AIG1: variants seen among roughly 807,000 people sequenced by gnomAD.
AIG1 encodes androgen induced 1.
A neutral mutation model predicts 31.4 loss-of-function variants in AIG1; 23 were observed. That is an observed-to-expected ratio of 0.73 (90% CI 0.53 to 1.04). The LOEUF (loss-of-function observed/expected upper bound fraction) is 1.04, where lower values mean the gene tolerates loss of function less well. Ranked by LOEUF, AIG1 falls within the 50% of genes least tolerant of loss-of-function variation. AIG1 has a pLI of 0.00. For missense variants in AIG1, 274 were observed against 295.0 expected (o/e 0.93, Z 0.52); for synonymous variants, 100 against 110.5 (o/e 0.90, Z 0.60).
chr6:143,343,100 C>CT (rs1206100454), downstream of AIG1: 3 of 771,966 alleles, frequency 3.9e-6, no homozygotes, highest in Non-Finnish European at 4.8e-6. Context: ...ATCCTCGCAG[C>CT]TGTCCGCACT....
chr6:143,309,523 A>G lies in AIG1; in HGVS notation c.516-23759A>G, dbSNP rs565297864. ...AGAAGTATTGTAAGAGAGAAGAAAAAGCAGAATCATATAAAATACTCAAAC... is the reference window on the plus strand; with the variant it reads ...AGAAGTATTGTAAGAGAGAAGAAAAGGCAGAATCATATAAAATACTCAAAC... On this transcript the variant is annotated intron_variant, in intron 4 of 5. Coordinates refer to ENST00000357847, the MANE Select transcript of AIG1 (RefSeq NM_016108.4). Among the ~76,000 whole-genome samples the G allele has an allele frequency of 4.3e-4, 66 of 152,070 alleles. 1 individual carries two copies. In the South Asian group the frequency reaches 0.012, roughly 28 times the overall value.
intron 1 of AIG1, among the ~76,000 whole-genome samples, chr6:143,130,633 C>T (rs1326375969): frequency 2.0e-5 from 3 of 152,140 alleles, no homozygotes; most frequent in Admixed American, 6.5e-5. Flanking sequence ...ACAGGAGAAT[C>T]GATTTAACCC....
rs11556575 is a variant in AIG1 at position 143,061,019 on chromosome 6, C to T, written c.94C>T (p.His32Tyr). Residue 32 changes from histidine to tyrosine, a missense_variant, in exon 1 of 6, where the codon CAC becomes TAC. By Grantham distance (83) the His-to-Tyr change is moderately conservative. Transcript: ENST00000357847. ...CTACAAGGCCATCGAAATGCCCTCA[C>T]ACCAGACCTACGGAGGGAGCTGGAA... is the stretch of plus-strand genomic sequence containing the variant. ...CNYKAIEMPS[H>Y]QTYGGSWKFL... 1.5e-4 allele frequency: 243 copies of T among 1,613,536 alleles called. No homozygotes were observed. The highest frequency in any genetic ancestry group is 1.9e-4 in the Non-Finnish European group (220 of 1,179,816).
chr6:143,190,004 A>T, intron 3 of AIG1: 1 of 463,406 alleles, frequency 2.2e-6, no homozygotes, highest in Non-Finnish European at 2.8e-6. Flanking sequence ...GTGTCCTCAC[A>T]TGGTGGAAGG....
intron 1 of AIG1, among the ~76,000 whole-genome samples, chr6:143,084,208 C>T (rs1562357855): frequency 6.6e-6 from 1 of 152,150 alleles, no homozygotes; most frequent in South Asian, 2.1e-4. Flanking sequence ...CCCCGGGCAC[C>T]CTCAGTCCTG....
intron 1 of AIG1, among the ~76,000 whole-genome samples, chr6:143,109,122 T>A (rs1201551393): frequency 6.7e-6 from 1 of 150,118 alleles, no homozygotes; most frequent in East Asian, 2.0e-4. Flanking sequence ...TGTTTTTTTT[T>A]CCCCTAGATT....
chr6:143,188,172 G>T, intron 3 of AIG1: 1 of 998,718 alleles, frequency 1.0e-6, no homozygotes, highest in Non-Finnish European at 1.2e-6. Context: ...GGGAGGAAGA[G>T]GTATCTCTCT....
At position 143,095,938 on chromosome 6, in the gene AIG1, C is replaced by T. The variant is rs1779734950; in HGVS notation, c.141+34872C>T. 2.4e-5 allele frequency among the ~76,000 whole-genome samples: 3 copies of T among 123,944 alleles called. No individual in the cohort carries two copies. The Admixed American group carries it at 3.1e-4, about 13-fold the overall frequency. The allele number at this position is 123,944 out of a possible 152,430, so 81.3% of individuals were successfully genotyped here. A position where few individuals can be genotyped will look rare whatever the true frequency, so the allele number is the denominator to read the frequency against. On this transcript the variant is annotated intron_variant, in intron 1 of 5. Coordinates refer to ENST00000357847, the MANE Select transcript of AIG1 (RefSeq NM_016108.4). ...TTTTTTTTTTTTTGAGATGGAGTCTCACTCTGTCACCAGGCTGGAGTGCAG... is the reference window on the plus strand; with the variant it reads ...TTTTTTTTTTTTTGAGATGGAGTCTTACTCTGTCACCAGGCTGGAGTGCAG...
At chr6:143,320,416 T>G (rs1226409371) in intron 4 of AIG1, among the ~76,000 whole-genome samples, 2 of 152,206 alleles carry the variant, frequency 1.3e-5, no homozygotes, top group Admixed American at 6.5e-5. Flanking sequence ...CCCATGTTTT[T>G]GCAGCATTAT....
intron 1 of AIG1, among the ~76,000 whole-genome samples, chr6:143,100,756 A>C (rs906201398): frequency 6.6e-6 from 1 of 150,488 alleles, no homozygotes; most frequent in Non-Finnish European, 1.5e-5. Flanking sequence ...TGCTATCTCC[A>C]CTCACTGCAA....
In AIG1 at chr6:143,280,402, C is replaced by T. The variant is rs928446336; in HGVS notation, c.400-3708C>T. 3.9e-5 allele frequency among the ~76,000 whole-genome samples: 6 copies of T among 152,146 alleles called. No individual in the cohort carries two copies. The highest frequency in any genetic ancestry group is 7.2e-5 in the African/African-American group (3 of 41,428). On this transcript the variant is annotated intron_variant, in intron 3 of 5. Transcript: ENST00000357847. The surrounding 1 kb of genome is among the most constrained non-coding windows in gnomAD (Gnocchi z 4.1). ...GCCCAGAAGAATAGAAATCATTCTACCATAAAGATATATGTGCACAAATGT... is the reference window on the plus strand; with the variant it reads ...GCCCAGAAGAATAGAAATCATTCTATCATAAAGATATATGTGCACAAATGT...
intron 3 of AIG1, among the ~76,000 whole-genome samples, chr6:143,184,414 A>AT (rs1789035240): frequency 6.6e-6 from 1 of 152,172 alleles, no homozygotes; most frequent in Admixed American, 6.5e-5. Flanking sequence ...TGGGCATCAC[A>AT]TTCTGCCTCT....
intron 2 of AIG1, among the ~76,000 whole-genome samples, chr6:143,149,067 A>G (rs1184386186): frequency 1.3e-5 from 2 of 152,170 alleles, no homozygotes; most frequent in East Asian, 3.9e-4. Context: ...CTAATGACAC[A>G]TTTCTCAGAA....
At chr6:143,114,658 G>A (rs528778071) in intron 1 of AIG1, among the ~76,000 whole-genome samples, 2 of 152,282 alleles carry the variant, frequency 1.3e-5, no homozygotes, top group South Asian at 2.1e-4. Flanking sequence ...CTATTCAATG[G>A]GTGTCAGCTT....
chr6:143,189,821 A>G (rs1284934351), intron 3 of AIG1: 2 of 976,398 alleles, frequency 2.0e-6, no homozygotes, highest in Non-Finnish European at 2.4e-6. Context: ...AAAAAGAGAT[A>G]TATCTTAGTC....
chr6:143,308,831 G>A (rs1775018621), intron 4 of AIG1, among the ~76,000 whole-genome samples: 1 of 152,078 alleles, frequency 6.6e-6, no homozygotes. Context: ...TTTAATCTGT[G>A]AAATTTCCAC....
chr6:143,226,985 C>CTTTTTTTTTTTTTTTTTTT (rs11431811), intron 3 of AIG1, among the ~76,000 whole-genome samples: 2 of 113,622 alleles, frequency 1.8e-5, no homozygotes, highest in East Asian at 2.6e-4. Context: ...GAGTTTTTGT[C>CTTTTTTTTTTTTTTTTTTT]TTTTTTTTTT....
chr6:143,310,382 C>A (rs1197208704), intron 4 of AIG1, among the ~76,000 whole-genome samples: 1 of 151,760 alleles, frequency 6.6e-6, no homozygotes, highest in Non-Finnish European at 1.5e-5. Flanking sequence ...AAATAGCACA[C>A]TAATAAATAA....
chr6:143,167,061 A>G (rs943340932), intron 3 of AIG1, among the ~76,000 whole-genome samples: 7 of 152,242 alleles, frequency 4.6e-5, no homozygotes, highest in African/African-American at 1.2e-4. Flanking sequence ...CAAACTGTTT[A>G]GCGTATTTCA....
Sources: allele counts gnomAD v4.1 joint callset (sites outside exome capture counted in the v4.1 genomes callset), GRCh38; gene constraint gnomAD v4.1.1; non-coding constraint Gnocchi (gnomAD v3.1); transcripts MANE v1.5; gene names NCBI Gene and HGNC (gene_info 2026-07-23, HGNC 2026-07-21).